Variants in OSBPL10 observed in about 807,000 individuals in gnomAD.
OSBPL10 encodes oxysterol-binding protein-related protein 10.
A neutral mutation model predicts 81.7 loss-of-function variants in OSBPL10; 49 were observed. The observed-to-expected ratio is 0.60, with a 90% CI of 0.48 to 0.76. OSBPL10 has a LOEUF of 0.76. Among genes scored for constraint, OSBPL10 ranks in the 30% least tolerant of loss-of-function variants. The pLI is 0.00. For synonymous variants in OSBPL10, 419 were observed against 383.6 expected (o/e 1.09, Z -1.08); for missense variants, 923 against 987.8 (o/e 0.93, Z 0.88).
chr3:32,004,490 G>A (rs1221868307), intron 2 of OSBPL10, among the ~76,000 whole-genome samples: 2 of 152,332 alleles, frequency 1.3e-5, no homozygotes, highest in East Asian at 3.9e-4. Flanking sequence ...TCAGAACACA[G>A]GGACAAAAAA....
At chr3:31,851,290 G>A (rs1700757654) in intron 3 of OSBPL10, among the ~76,000 whole-genome samples, 1 of 152,232 alleles carries the variant, frequency 6.6e-6, no homozygotes, top group African/African-American at 2.4e-5. Flanking sequence ...AGTCCTAAGA[G>A]AGATGTACTT....
intron 1 of OSBPL10, among the ~76,000 whole-genome samples, chr3:31,903,952 T>G (rs1696330599): frequency 6.6e-6 from 1 of 152,076 alleles, no homozygotes; most frequent in Non-Finnish European, 1.5e-5. Context: ...GAACACAGGT[T>G]TCCAGGAATC....
intron 3 of OSBPL10, among the ~76,000 whole-genome samples, chr3:31,850,898 G>C (rs1644587351): frequency 6.6e-6 from 1 of 152,192 alleles, no homozygotes; most frequent in South Asian, 2.1e-4. Context: ...TAGAACTATT[G>C]AGAAGAATAC....
chr3:31,792,909 T>TGTGTGTGTGTGTG (rs1699068211), intron 4 of OSBPL10, among the ~76,000 whole-genome samples: 1 of 144,086 alleles, frequency 6.9e-6, no homozygotes, highest in Admixed American at 7.0e-5. Context: ...TGTGTGTGTG[T>TGTGTGTGTGTGTG]TGTAGATGCT....
At position 31,804,861 on chromosome 3, in the gene OSBPL10, A is replaced by AT. The variant is rs200321330; in HGVS notation, c.729+25178dup. Among the ~76,000 whole-genome samples, 565 of 151,600 alleles carry AT rather than the reference A, an allele frequency of 3.7e-3. 3 individuals carry two copies. Among genetic ancestry groups the AT allele is most frequent in the African/African-American group, 0.012 (509 of 41,358 alleles). On this transcript the variant is annotated intron_variant, in intron 4 of 11. Transcript: ENST00000396556. ...ACTACTAAATCTGCTTTGGTTTGCA[A>AT]TTTTTTTTTAGCTGTTTAAATGGTC...
At chr3:31,959,911 A>G (rs532772862) in intron 1 of OSBPL10, among the ~76,000 whole-genome samples, 1 of 152,182 alleles carries the variant, frequency 6.6e-6, no homozygotes, top group Non-Finnish European at 1.5e-5. Context: ...AAACACTTGC[A>G]GAAAAAGGAT....
chr3:31,688,161 A>G (rs979891584), intron 7 of OSBPL10, among the ~76,000 whole-genome samples: 1 of 151,920 alleles, frequency 6.6e-6, no homozygotes, highest in Non-Finnish European at 1.5e-5. Flanking sequence ...CCTCCACACA[A>G]CAGCCAGAGT....
intron 7 of OSBPL10, among the ~76,000 whole-genome samples, chr3:31,692,889 T>C (rs1264572891): frequency 1.3e-5 from 2 of 152,212 alleles, no homozygotes; most frequent in African/African-American, 4.8e-5. Context: ...AAGACTACCA[T>C]TGTGACTGTC....
chr3:31,698,129 T>C (rs1372643847), intron 7 of OSBPL10, among the ~76,000 whole-genome samples: 1 of 152,032 alleles, frequency 6.6e-6, no homozygotes, highest in Non-Finnish European at 1.5e-5. Context: ...CAGTCTATTT[T>C]TCACAGCAGA....
chr3:31,901,702 C>T (rs1292130119), intron 1 of OSBPL10, among the ~76,000 whole-genome samples: 1 of 152,222 alleles, frequency 6.6e-6, no homozygotes, highest in East Asian at 1.9e-4. Context: ...GGAACCACAT[C>T]AGGATTCTTC....
intron 1 of OSBPL10, among the ~76,000 whole-genome samples, chr3:31,975,905 C>T (rs1396702777): frequency 1.3e-5 from 2 of 152,024 alleles, no homozygotes; most frequent in African/African-American, 2.4e-5. Flanking sequence ...ATTATCTGTC[C>T]TCAGGGAGCT....
intron 1 of OSBPL10, among the ~76,000 whole-genome samples, chr3:31,977,524 T>C (rs78465094): frequency 0.082 from 12,521 of 152,216 alleles, 1,061 homozygotes; most frequent in East Asian, 0.48. Flanking sequence ...ATCTGCCTCC[T>C]CAAGTTCTCG....
chr3:32,014,245 C>A lies in OSBPL10; in HGVS notation n.298+32246G>T, dbSNP rs199915543. Among the ~76,000 whole-genome samples, 1,103 of 152,276 alleles carry A rather than the reference C, an allele frequency of 7.2e-3. 50 individuals are homozygous for A. In the East Asian group the frequency reaches 0.15, roughly 20 times the overall value. ...AGCAGCACATCAAAAAGCTTATCCA[C>A]CATGATCAAGTGGGCTTCATCCCTG... On this transcript the variant is annotated intron_variant and non_coding_transcript_variant, in intron 2 of 3. Transcript: ENST00000479173.
At chr3:31,769,469 ACAAAAAAAAAC>A (rs1559456996) in intron 4 of OSBPL10, among the ~76,000 whole-genome samples, 22 of 36,980 alleles carry the variant, frequency 5.9e-4, no homozygotes, top group African/African-American at 9.6e-4. Context: ...CAAAAAAAAA[ACAAAAAAAAAC>A]AGAATAAAAA....
intron 4 of OSBPL10, 61 bp downstream of exon 4, chr3:31,829,979 G>A (rs966429786): frequency 3.4e-6 from 5 of 1,478,566 alleles, no homozygotes; most frequent in Non-Finnish European, 4.6e-6. Flanking sequence ...AGTCGGCAGA[G>A]CGACTGTCAC....
chr3:31,760,091 A>G (rs1234706816), intron 4 of OSBPL10, among the ~76,000 whole-genome samples: 1 of 152,168 alleles, frequency 6.6e-6, no homozygotes, highest in Non-Finnish European at 1.5e-5. Context: ...ATCGCAAGGA[A>G]GAGAAAATAT....
At chr3:31,970,766 G>A (rs529977961) in intron 1 of OSBPL10, among the ~76,000 whole-genome samples, 4 of 151,800 alleles carry the variant, frequency 2.6e-5, no homozygotes, top group African/African-American at 7.3e-5. Flanking sequence ...TGTGATCTGT[G>A]GTCTCAGCGG....
chr3:32,035,562 C>CAAAAAAAAAAAAAAAAAAAAAAAAAAAAA (rs35533294), intron 2 of OSBPL10, among the ~76,000 whole-genome samples: 1 of 91,060 alleles, frequency 1.1e-5, no homozygotes, highest in Non-Finnish European at 2.0e-5. Context: ...AACTCTGTCT[C>CAAAAAAAAAAAAAAAAAAAAAAAAAAAAA]AAAAAAAAAA....
chr3:31,668,549 T>C, intron 10 of OSBPL10, 93 bp downstream of exon 10: 1 of 1,205,332 alleles, frequency 8.3e-7, no homozygotes, highest in African/African-American at 1.5e-5. Context: ...CTGTTTCCAG[T>C]CGCTAAGTTT....
Sources: allele counts gnomAD v4.1 joint callset (sites outside exome capture counted in the v4.1 genomes callset), GRCh38; gene constraint gnomAD v4.1.1; transcripts MANE v1.5; gene names NCBI Gene and HGNC (gene_info 2026-07-23, HGNC 2026-07-21).